The following MBNL2 variants were observed in gnomAD, a reference collection of about 807,000 sequenced individuals.
MBNL2 encodes the protein muscleblind-like protein 2.
MBNL2 carries 17 observed loss-of-function variants against 41.9 expected under a neutral mutation model. The ratio of observed to expected loss-of-function variants is 0.41; its 90% CI spans 0.28 to 0.61. The LOEUF (loss-of-function observed/expected upper bound fraction) is 0.61, where lower values mean the gene tolerates loss of function less well. MBNL2 is among the 20% of genes least tolerant of loss of function. The pLI, the probability that MBNL2 is intolerant of heterozygous loss-of-function variation, is 0.35. For synonymous variants in MBNL2, 195 were observed against 182.9 expected (o/e 1.07, Z -0.53); for missense variants, 336 against 505.6 (o/e 0.66, Z 3.22).
At chr13:97,318,639 A>G (rs2059250132) in intron 2 of MBNL2, among the ~76,000 whole-genome samples, 3 of 152,232 alleles carry the variant, frequency 2.0e-5, no homozygotes, top group Admixed American at 1.3e-4. Flanking sequence ...CAGTTTGTAA[A>G]TACATTTGAC....
chr13:97,335,654 A>G (rs2060818877), intron 3 of MBNL2, among the ~76,000 whole-genome samples: 1 of 152,154 alleles, frequency 6.6e-6, no homozygotes, highest in African/African-American at 2.4e-5. Context: ...AGACAGACAC[A>G]AGAAAAGGGC....
intron 4 of MBNL2, among the ~76,000 whole-genome samples, chr13:97,345,066 G>A (rs1243039834): frequency 2.0e-5 from 3 of 152,192 alleles, no homozygotes; most frequent in Non-Finnish European, 4.4e-5. Flanking sequence ...AAGTTAGAAT[G>A]TTGGCTAATA....
intron 2 of MBNL2, among the ~76,000 whole-genome samples, chr13:97,315,627 G>A (rs146956604): frequency 3.5e-3 from 533 of 152,310 alleles, no homozygotes; most frequent in Non-Finnish European, 5.9e-3. Context: ...AAGGTCAGGG[G>A]ACCAAAATAG....
chr13:97,305,232 TGA>T (rs1164823390), intron 2 of MBNL2, among the ~76,000 whole-genome samples: 1 of 152,378 alleles, frequency 6.6e-6, no homozygotes. Context: ...TATTTTTAGA[TGA>T]ATTACTCTTA....
chr13:97,253,805 T>C (rs1016539752), intron 1 of MBNL2, among the ~76,000 whole-genome samples: 3 of 152,158 alleles, frequency 2.0e-5, no homozygotes, highest in African/African-American at 4.8e-5. Flanking sequence ...TTAATACTTA[T>C]TACAATACAA....
rs1288846368 is a variant in MBNL2 at position 97,366,938 on chromosome 13, A to G, written c.1048+1767A>G. On this transcript the variant is annotated intron_variant, in intron 8 of 8. Coordinates refer to ENST00000679496, the MANE Select transcript of MBNL2 (RefSeq NM_001382683.1). The surrounding 1 kb of genome is among the most constrained non-coding windows in gnomAD (Gnocchi z 4.7). Reference sequence around the variant, plus strand: ...TAATTCGGTTCATTCAGACCCTATCATCTGTGTGGAGGAAAAAAATCTCCT... The same window carrying G: ...TAATTCGGTTCATTCAGACCCTATCGTCTGTGTGGAGGAAAAAAATCTCCT... Among the ~76,000 whole-genome samples the G allele has an allele frequency of 6.6e-6, 1 of 152,148 alleles. No homozygotes were observed. Among genetic ancestry groups the G allele is most frequent in the East Asian group, 1.9e-4 (1 of 5,182 alleles).
At chr13:97,347,155 G>A (rs1014932261) in intron 5 of MBNL2, 88 bp downstream of exon 5, 18 of 1,001,648 alleles carry the variant, frequency 1.8e-5, no homozygotes, top group African/African-American at 1.5e-4. Context: ...CCAAACACTC[G>A]GGAAACATGG....
chr13:97,347,107 C>G (rs34755212), intron 5 of MBNL2, 40 bp downstream of exon 5: 3 of 1,443,828 alleles, frequency 2.1e-6, no homozygotes, highest in Non-Finnish European at 2.7e-6. Flanking sequence ...CCCGGCGCCT[C>G]TGCGGAGGCC....
intron 1 of MBNL2, among the ~76,000 whole-genome samples, chr13:97,230,079 C>T (rs974710905): frequency 2.6e-5 from 4 of 152,198 alleles, no homozygotes; most frequent in Non-Finnish European, 5.9e-5. Context: ...GGGTGGATCA[C>T]CTGAGGTTGG....
chr13:97,350,074 C>G (rs1341370318), intron 5 of MBNL2, among the ~76,000 whole-genome samples: 1 of 152,034 alleles, frequency 6.6e-6, no homozygotes, highest in Non-Finnish European at 1.5e-5. Context: ...AAATATTAGT[C>G]CTTCAAGTAA....
intron 7 of MBNL2, among the ~76,000 whole-genome samples, chr13:97,363,418 CTGTGTGTGTGTGTGTG>C (rs55745808): frequency 1.6e-3 from 214 of 136,654 alleles, no homozygotes; most frequent in South Asian, 6.0e-3. Flanking sequence ...GAAAGAAAAA[CTGTGTGTGTGTGTGTG>C]TGTGTGTGTG....
chr13:97,290,490 C>T (rs989446137), intron 2 of MBNL2, among the ~76,000 whole-genome samples: 1 of 151,838 alleles, frequency 6.6e-6, no homozygotes, highest in Non-Finnish European at 1.5e-5. Flanking sequence ...TCCTGGCTAA[C>T]AAGGTGAAAC....
intron 5 of MBNL2, among the ~76,000 whole-genome samples, chr13:97,348,523 T>C (rs1412810376): frequency 6.6e-6 from 1 of 152,202 alleles, no homozygotes; most frequent in Non-Finnish European, 1.5e-5. Context: ...GCATTCATTC[T>C]TTCAAAAAAT....
At position 97,321,810 on chromosome 13, in the gene MBNL2, C is replaced by A. The variant is rs1218460295; in HGVS notation, c.175-12466C>A. On this transcript the variant is annotated intron_variant, in intron 2 of 8. Coordinates refer to ENST00000679496, the MANE Select transcript of MBNL2 (RefSeq NM_001382683.1). The stretch of plus-strand genomic sequence containing the variant: ...AGTGCTGACGGCACAGAGTCCCAGG[C>A]CAGCCAGCTTGACTGACTGCACAGA... Among the ~76,000 whole-genome samples the A allele has an allele frequency of 6.6e-5, 10 of 152,292 alleles. No homozygotes were observed. In the East Asian group the frequency reaches 9.6e-4, roughly 15 times the overall value.
At chr13:97,338,931 A>G (rs887096395) in intron 3 of MBNL2, among the ~76,000 whole-genome samples, 3 of 152,166 alleles carry the variant, frequency 2.0e-5, no homozygotes, top group African/African-American at 7.2e-5. Context: ...ACCTCGGGCC[A>G]CTTGGCCATT....
the MBNL2 span, among the ~76,000 whole-genome samples, chr13:97,165,140 G>T: frequency 5.3e-5 from 8 of 152,056 alleles, no homozygotes; most frequent in Non-Finnish European, 2.9e-5. Flanking sequence ...GAAGGTGGAG[G>T]TTGCAGTGAG....
At chr13:97,310,733 G>T (rs2058523068) in intron 2 of MBNL2, among the ~76,000 whole-genome samples, 1 of 150,444 alleles carries the variant, frequency 6.6e-6, no homozygotes, top group African/African-American at 2.4e-5. Context: ...CCGGCCTATA[G>T]CCCTCCTGTT....
chr13:97,187,837 C>T, the MBNL2 span, among the ~76,000 whole-genome samples: 5 of 149,378 alleles, frequency 3.3e-5, no homozygotes, highest in Non-Finnish European at 7.4e-5. Context: ...AACCCCGGGA[C>T]GGCGGAGCCT....
rs149200518 is a variant in MBNL2, at chr13:97,346,906, G to A, written c.643G>A (p.Val215Ile). Residue 215 changes from valine to isoleucine, a missense_variant, in exon 5 of 9, where the codon GTA (valine) becomes ATA (isoleucine). By Grantham distance (29) the Val-to-Ile change is conservative. Transcript: ENST00000679496. The surrounding 1 kb of genome is among the most constrained non-coding windows in gnomAD (Gnocchi z 4.2). ...STMIDTSDNT[V>I]TVCMDYIKGR... Reference sequence around the variant, plus strand: ...CATGATCGACACAAGTGACAACACCGTAACCGTTTGTATGGATTACATAAA... The same window carrying A: ...CATGATCGACACAAGTGACAACACCATAACCGTTTGTATGGATTACATAAA... 10 of 1,613,954 alleles carry A rather than the reference G, an allele frequency of 6.2e-6. No homozygotes were observed. Among genetic ancestry groups the A allele is most frequent in the East Asian group, 2.2e-5 (1 of 44,882 alleles).
Sources: allele counts gnomAD v4.1 joint callset (sites outside exome capture counted in the v4.1 genomes callset), GRCh38; gene constraint gnomAD v4.1.1; non-coding constraint Gnocchi (gnomAD v3.1); transcripts MANE v1.5; gene names NCBI Gene and HGNC (gene_info 2026-07-23, HGNC 2026-07-21).